CDH9: variants seen among roughly 807,000 people sequenced by gnomAD.
CDH9 encodes the protein cadherin 9.
In CDH9, 28 loss-of-function variants were observed where a neutral mutation model predicts 70.9. The observed-to-expected ratio is 0.40, with a 90% confidence interval of 0.29 to 0.54. The LOEUF is 0.54. CDH9 is among the 20% of genes least tolerant of loss of function. CDH9 has a pLI of 0.59. For synonymous variants in CDH9, 409 were observed against 343.1 expected (o/e 1.19, Z -2.12); for missense variants, 874 against 984.4 (o/e 0.89, Z 1.50).
At chr5:26,983,763 T>C (rs1742442625) in intron 2 of CDH9, among the ~76,000 whole-genome samples, 1 of 152,148 alleles carries the variant, frequency 6.6e-6, no homozygotes, top group Admixed American at 6.5e-5. Flanking sequence ...TGATATACTA[T>C]AACAACTCAT....
At chr5:26,959,035 C>T (rs553655876) in intron 2 of CDH9, among the ~76,000 whole-genome samples, 6 of 152,094 alleles carry the variant, frequency 3.9e-5, no homozygotes, top group Admixed American at 3.3e-4. Context: ...AACTATTGTA[C>T]ATCAAAAGAC....
intron 1 of CDH9, among the ~76,000 whole-genome samples, chr5:27,034,955 G>A (rs1395455781): frequency 1.3e-5 from 2 of 151,108 alleles, no homozygotes; most frequent in African/African-American, 4.9e-5. Context: ...TGACTCATAA[G>A]AGAAAAAAAA....
intron 2 of CDH9, among the ~76,000 whole-genome samples, chr5:26,950,819 T>A (rs1021925722): frequency 1.4e-4 from 22 of 152,142 alleles, no homozygotes; most frequent in African/African-American, 5.3e-4. Context: ...ATGAGTAAAA[T>A]CCAATTTGTT....
chr5:27,017,086 T>A (rs558353416), intron 1 of CDH9, among the ~76,000 whole-genome samples: 1 of 152,050 alleles, frequency 6.6e-6, no homozygotes, highest in South Asian at 2.1e-4. Flanking sequence ...TCTTCTTCAT[T>A]GTTTGTTTTG....
chr5:26,976,408 C>T (rs1205321371), intron 2 of CDH9, among the ~76,000 whole-genome samples: 1 of 151,964 alleles, frequency 6.6e-6, no homozygotes, highest in Non-Finnish European at 1.5e-5. Flanking sequence ...ATTGTGATAA[C>T]ATTTAATCTT....
intron 2 of CDH9, among the ~76,000 whole-genome samples, chr5:26,973,548 A>G (rs1742256445): frequency 1.3e-5 from 2 of 152,124 alleles, no homozygotes; most frequent in Non-Finnish European, 2.9e-5. Context: ...TTTATTGCAA[A>G]CATGTAATTA....
At chr5:26,980,147 A>G (rs1742375744) in intron 2 of CDH9, among the ~76,000 whole-genome samples, 1 of 151,774 alleles carries the variant, frequency 6.6e-6, no homozygotes, top group Non-Finnish European at 1.5e-5. Context: ...GAATATTATT[A>G]TAGTTTTTCA....
At chr5:27,034,573 T>C (rs1436301035) in intron 1 of CDH9, among the ~76,000 whole-genome samples, 1 of 151,092 alleles carries the variant, frequency 6.6e-6, no homozygotes, top group African/African-American at 2.4e-5. Context: ...ATAATACATC[T>C]CTCTCTTACA....
intron 3 of CDH9, among the ~76,000 whole-genome samples, chr5:26,914,371 G>C (rs564584818): frequency 6.6e-6 from 1 of 151,538 alleles, no homozygotes; most frequent in Non-Finnish European, 1.5e-5. Context: ...GTTTAAATTA[G>C]CGCACTGGTC....
At chr5:26,969,667 G>A (rs1201309666) in intron 2 of CDH9, among the ~76,000 whole-genome samples, 1 of 152,008 alleles carries the variant, frequency 6.6e-6, no homozygotes, top group Non-Finnish European at 1.5e-5. Flanking sequence ...ATGTCACAGA[G>A]AAGGGCTTAA....
At chr5:26,882,516 T>C (rs1444715815) in intron 11 of CDH9, among the ~76,000 whole-genome samples, 1 of 152,090 alleles carries the variant, frequency 6.6e-6, no homozygotes, top group Non-Finnish European at 1.5e-5. Context: ...GATGAACCTT[T>C]TTCTAATAAA....
intron 2 of CDH9, among the ~76,000 whole-genome samples, chr5:26,971,720 G>A (rs1393120723): frequency 6.6e-6 from 1 of 152,006 alleles, no homozygotes. Flanking sequence ...ACGTAAGGGG[G>A]TTAGGTAGTT....
At chr5:26,975,017 T>C (rs143846177) in intron 2 of CDH9, among the ~76,000 whole-genome samples, 1 of 152,226 alleles carries the variant, frequency 6.6e-6, no homozygotes, top group Admixed American at 6.5e-5. Flanking sequence ...ATCTGTTATA[T>C]ACATATAATA....
chr5:26,901,069 G>A (rs1046860564), intron 7 of CDH9, among the ~76,000 whole-genome samples: 1 of 151,862 alleles, frequency 6.6e-6, no homozygotes, highest in Non-Finnish European at 1.5e-5. Flanking sequence ...ATTGGTCATT[G>A]GACGGCTAGA....
Position 26,915,724 on chromosome 5 carries a change from C to T in CDH9, c.429G>A (p.Ser143=), listed in dbSNP as rs748753503. 1.1e-5 allele frequency: 18 copies of T among 1,612,896 alleles called. No individual in the cohort carries two copies. Among genetic ancestry groups the T allele is most frequent in the South Asian group, 3.3e-5 (3 of 91,074 alleles). The change falls in exon 3 of 12, where the codon TCG becomes TCA. Residue 143 remains serine, a synonymous_variant. Transcript: ENST00000231021. ...TATCATGTATTTTAATGATAAATTCCGATTCCGGTTCCACCTGCCGCCCAG... is the reference window on the plus strand; with the variant it reads ...TATCATGTATTTTAATGATAAATTCTGATTCCGGTTCCACCTGCCGCCCAG... The part of the protein sequence containing the change: ...RKTGRQVEPE[S]EFIIKIHDIN...
At position 26,983,551 on chromosome 5, in the gene CDH9, G is replaced by A. The variant is rs112684841; in HGVS notation, c.228+4555C>T. 1.8e-3 allele frequency among the ~76,000 whole-genome samples: 280 copies of A among 152,226 alleles called. 1 individual carries two copies. Among genetic ancestry groups the A allele is most frequent in the African/African-American group, 6.5e-3 (269 of 41,550 alleles). On this transcript the variant is annotated intron_variant, in intron 2 of 11. Transcript: ENST00000231021. ...TTTTATAGAATTCAGTGTTAAACTCGCCTCAGTATGCTGTCCTTAAAGCGT... is the reference window on the plus strand; with the variant it reads ...TTTTATAGAATTCAGTGTTAAACTCACCTCAGTATGCTGTCCTTAAAGCGT...
intron 1 of CDH9, among the ~76,000 whole-genome samples, chr5:26,990,303 A>T (rs1428829362): frequency 6.6e-6 from 1 of 152,190 alleles, no homozygotes; most frequent in Non-Finnish European, 1.5e-5. Flanking sequence ...TGTCCAACAC[A>T]TCTATGTACC....
intron 1 of CDH9, among the ~76,000 whole-genome samples, chr5:26,993,896 G>C (rs1247323701): frequency 6.6e-6 from 1 of 152,004 alleles, no homozygotes; most frequent in African/African-American, 2.4e-5. Context: ...CACCCCAGGA[G>C]GTTCAGAAAG....
At chr5:26,912,442 T>A (rs1278288007) in intron 3 of CDH9, among the ~76,000 whole-genome samples, 1 of 151,452 alleles carries the variant, frequency 6.6e-6, no homozygotes, top group African/African-American at 2.4e-5. Flanking sequence ...AGGTAAAATA[T>A]ATCTACTTTT....
Sources: gnomAD v4.1 joint callset for allele counts (sites outside exome capture counted in the v4.1 genomes callset) on GRCh38, gnomAD v4.1.1 for gene constraint, MANE v1.5 for transcripts, NCBI Gene and HGNC (gene_info 2026-07-23, HGNC 2026-07-21) for gene names.